Variants in ENTPD4 observed in about 807,000 individuals in gnomAD.
ENTPD4 encodes Golgi UDPase.
Under a neutral mutation model 79.1 loss-of-function variants are expected in ENTPD4, and 60 were observed. The observed-to-expected ratio is 0.76, with a 90% CI of 0.62 to 0.94. The LOEUF (loss-of-function observed/expected upper bound fraction) is 0.94, where lower values mean the gene tolerates loss of function less well. ENTPD4 is among the 40% of genes least tolerant of loss of function. The pLI, the probability that ENTPD4 is intolerant of heterozygous loss-of-function variation, is 0.00. For missense variants in ENTPD4, 772 were observed against 775.1 expected (o/e 1.00, Z 0.05); for synonymous variants, 276 against 292.0 (o/e 0.95, Z 0.56).
At position 23,438,529 on chromosome 8, in the gene ENTPD4, A is replaced by T. The variant is rs1563223491; in HGVS notation, c.1049+1220T>A. Among the ~76,000 whole-genome samples the T allele has an allele frequency of 2.6e-5, 4 of 152,348 alleles. No individual in the cohort carries two copies. The South Asian group carries it at 8.3e-4, about 32-fold the overall frequency. ...TAAAAGTCCAAGAGTAGTCAAATAT[A>T]TATTTCATGCTATTATTTTTAGTTG... On this transcript the variant is annotated intron_variant, in intron 9 of 12. Coordinates refer to ENST00000358689, the MANE Select transcript of ENTPD4 (RefSeq NM_004901.5).
At chr8:23,441,939 A>G (rs1297051096) in intron 7 of ENTPD4, 68 bp downstream of exon 7, 1 of 1,394,986 alleles carries the variant, frequency 7.2e-7, no homozygotes, top group African/African-American at 1.4e-5. Flanking sequence ...CTCTTTTTTC[A>G]GCCTTTGGAT....
chr8:23,441,449 A>G, intron 8 of ENTPD4, 120 bp downstream of exon 8: 1 of 1,502,080 alleles, frequency 6.7e-7, no homozygotes, highest in Non-Finnish European at 8.9e-7. Flanking sequence ...CTGGGTTGAG[A>G]GGCGGCACCT....
rs190406424 is a variant in ENTPD4 at position 23,450,444 on chromosome 8, C to T, written c.-97-447G>A. On this transcript the variant is annotated intron_variant, in intron 1 of 12. Transcript: ENST00000358689. ...GTCCCTAGTCAGTTCTCCGACTCCACCATTATCACTCCTCCTCCAGCCTCC... is the reference window on the plus strand; with the variant it reads ...GTCCCTAGTCAGTTCTCCGACTCCATCATTATCACTCCTCCTCCAGCCTCC... Among the ~76,000 whole-genome samples, 7 of 152,322 alleles carry T rather than the reference C, an allele frequency of 4.6e-5. No individual in the cohort carries two copies. The East Asian group carries it at 1.2e-3, about 25-fold the overall frequency.
In ENTPD4 at chr8:23,429,493, T is replaced by A. The variant is rs935024405; in HGVS notation, c.*3433A>T. On this transcript the variant is annotated 3_prime_UTR_variant, in exon 13 of 13. Transcript: ENST00000358689. ...TTACTGAAAGGTAGTTTTGTTGCAT[T>A]GCACACAACTGACCGCAGAGAATTC... 1 of 985,316 alleles carries A rather than the reference T, an allele frequency of 1.0e-6. No homozygotes were observed. Among genetic ancestry groups the A allele is most frequent in the African/African-American group, 1.7e-5 (1 of 57,248 alleles). 61.0% of individuals were successfully genotyped at this position (985,316 alleles called of 1,614,324 possible).
rs780014173 is a variant in ENTPD4, at chr8:23,438,465, A to G, written c.1050-1207T>C. Among the ~76,000 whole-genome samples the G allele has an allele frequency of 5.2e-4, 79 of 152,372 alleles. No homozygotes were observed. In the Middle Eastern group the frequency reaches 0.01, roughly 20 times the overall value. On this transcript the variant is annotated intron_variant, in intron 9 of 12. Transcript: ENST00000358689. ...GGCGAAGAGATAAATGTGTACTTCA[A>G]TGCTCAATTCATGACATATGAAACA...
chr8:23,449,988 T>TA lies in ENTPD4; in HGVS notation c.-89dup. 6.5e-7 allele frequency: 1 copy of TA among 1,537,486 alleles called. No individual in the cohort carries two copies. The highest frequency in any genetic ancestry group is 1.1e-5 in the South Asian group (1 of 89,450). ...AATAATGCTGGGGTCCTCACGGAGT[T>TA]AGAGCCCTCCTGTTCCAGGAAGTGA... On this transcript the variant is annotated 5_prime_UTR_variant, in exon 2 of 13. The change abolishes the stop of an existing upstream ORF in the 5' untranslated region. Coordinates refer to ENST00000358689, the MANE Select transcript of ENTPD4 (RefSeq NM_004901.5).
intron 5 of ENTPD4, 134 bp downstream of exon 5, chr8:23,444,322 G>C (rs1168581407): frequency 6.1e-6 from 5 of 821,562 alleles, no homozygotes; most frequent in Admixed American, 5.3e-5. Context: ...TTACAGACTT[G>C]AAGAAAGAAT....
At chr8:23,433,249 C>T in intron 12 of ENTPD4, 95 bp from the exon 13 acceptor site, 1 of 1,049,638 alleles carries the variant, frequency 9.5e-7, no homozygotes, top group Non-Finnish European at 1.4e-6. Flanking sequence ...GGCCCCAGAG[C>T]TGCACTTTAG....
chr8:23,433,219 C>T (rs764237088), intron 12 of ENTPD4, 65 bp from the exon 13 acceptor site: 50 of 1,425,056 alleles, frequency 3.5e-5, no homozygotes, highest in Non-Finnish European at 4.7e-5. Flanking sequence ...AAAGGGTGCA[C>T]AGGGGGACGG....
chr8:23,453,226 T>A (rs946175109), intron 1 of ENTPD4, among the ~76,000 whole-genome samples: 1 of 152,212 alleles, frequency 6.6e-6, no homozygotes, highest in East Asian at 1.9e-4. Flanking sequence ...TATTGTACCA[T>A]GTACCCCAAA....
At chr8:23,433,195 A>C in intron 12 of ENTPD4, 41 bp from the exon 13 acceptor site, 1 of 1,584,514 alleles carries the variant, frequency 6.3e-7, no homozygotes. Flanking sequence ...GACAGTAAGC[A>C]AGGAAAGGGG....
intron 9 of ENTPD4, 99 bp from the exon 10 acceptor site, chr8:23,437,357 CAT>C: frequency 1.2e-6 from 1 of 842,844 alleles, no homozygotes; most frequent in Non-Finnish European, 1.9e-6. Context: ...CTCTGTGGGA[CAT>C]GAGACCTGCA....
At chr8:23,437,679 A>G (rs1324604091) in intron 9 of ENTPD4, among the ~76,000 whole-genome samples, 1 of 152,232 alleles carries the variant, frequency 6.6e-6, no homozygotes, top group African/African-American at 2.4e-5. Context: ...GATGCTTTAG[A>G]AAAGTTACTA....
At chr8:23,436,630 A>T (rs1421135714) in intron 10 of ENTPD4, among the ~76,000 whole-genome samples, 1 of 152,192 alleles carries the variant, frequency 6.6e-6, no homozygotes, top group Non-Finnish European at 1.5e-5. Flanking sequence ...GGGAGGGGGA[A>T]GGCTAGTAGG....
rs1800417540 is a variant in ENTPD4 at position 23,429,431 on chromosome 8, A to T, written c.*3495T>A. 1 of 985,052 alleles carries T rather than the reference A, an allele frequency of 1.0e-6. No individual in the cohort carries two copies. The highest frequency in any genetic ancestry group is 6.1e-5 in the Admixed American group (1 of 16,272). 61.0% of individuals were successfully genotyped at this position (985,052 alleles called of 1,614,324 possible). On this transcript the variant is annotated 3_prime_UTR_variant, in exon 13 of 13. Coordinates refer to ENST00000358689, the MANE Select transcript of ENTPD4 (RefSeq NM_004901.5). ...ATTATTGAAAGGGAAACTTAGTATC[A>T]AAAGAAACAAAACACTGAAATAAAT... is the stretch of plus-strand genomic sequence containing the variant.
At chr8:23,439,409 TC>T (rs1563223829) in intron 9 of ENTPD4, among the ~76,000 whole-genome samples, 1 of 152,180 alleles carries the variant, frequency 6.6e-6, no homozygotes. Flanking sequence ...CCACGAGTGC[TC>T]CAGATACTGG....
At chr8:23,441,860 G>C in intron 7 of ENTPD4, 137 bp from the exon 8 acceptor site, 1 of 1,141,582 alleles carries the variant, frequency 8.8e-7, no homozygotes, top group Admixed American at 2.1e-5. Flanking sequence ...CTAAAATCAA[G>C]TTGAATTACG....
chr8:23,440,896 G>C (rs911527131), intron 8 of ENTPD4, among the ~76,000 whole-genome samples: 1 of 152,166 alleles, frequency 6.6e-6, no homozygotes, highest in East Asian at 1.9e-4. Flanking sequence ...CTAGCTCCAC[G>C]GTCTCACTTT....
chr8:23,440,166 T>C, intron 8 of ENTPD4: 1 of 385,014 alleles, frequency 2.6e-6, no homozygotes, highest in Non-Finnish European at 4.7e-6. Context: ...TCATACCCTC[T>C]GACATAATTT....
Sources: allele counts gnomAD v4.1 joint callset (sites outside exome capture counted in the v4.1 genomes callset), GRCh38; gene constraint gnomAD v4.1.1; transcripts MANE v1.5; gene names NCBI Gene and HGNC (gene_info 2026-07-23, HGNC 2026-07-21).